Variants in APBA1 observed in about 807,000 individuals in gnomAD.
APBA1 encodes the protein amyloid-beta A4 precursor protein-binding family A member 1.
Under a neutral mutation model 86.6 loss-of-function variants are expected in APBA1, and 55 were observed. That is an observed-to-expected ratio of 0.64 (90% CI 0.51 to 0.80). The LOEUF (loss-of-function observed/expected upper bound fraction) is 0.80. Among genes scored for constraint, APBA1 ranks in the 30% least tolerant of loss-of-function variants. APBA1 has a pLI of 0.00. For synonymous variants in APBA1, 511 were observed against 493.9 expected (o/e 1.03, Z -0.46); for missense variants, 1,090 against 1,183.0 (o/e 0.92, Z 1.15).
At chr9:69,497,397 C>T (rs1022137831) in intron 2 of APBA1, among the ~76,000 whole-genome samples, 1 of 151,982 alleles carries the variant, frequency 6.6e-6, no homozygotes, top group Non-Finnish European at 1.5e-5. Flanking sequence ...ACATTTTGCA[C>T]CATGGCACAC....
chr9:69,437,298 A>G (rs1834745181), intron 11 of APBA1, among the ~76,000 whole-genome samples: 1 of 151,336 alleles, frequency 6.6e-6, no homozygotes, highest in African/African-American at 2.4e-5. Flanking sequence ...TCATAAAATG[A>G]GTTAGGGAGG....
intron 9 of APBA1, among the ~76,000 whole-genome samples, chr9:69,451,400 C>G (rs1038434394): frequency 6.6e-6 from 1 of 152,188 alleles, no homozygotes; most frequent in African/African-American, 2.4e-5. Context: ...ATTAAAAGTT[C>G]TTTTTACCTA....
chr9:69,598,766 T>C (rs1280394326), intron 1 of APBA1, among the ~76,000 whole-genome samples: 1 of 152,184 alleles, frequency 6.6e-6, no homozygotes, highest in Non-Finnish European at 1.5e-5. Context: ...AGACTAGCCT[T>C]GGGCCTGGAA....
At chr9:69,639,661 G>A (rs1330371435) in intron 1 of APBA1, among the ~76,000 whole-genome samples, 1 of 152,130 alleles carries the variant, frequency 6.6e-6, no homozygotes, top group Admixed American at 6.5e-5. Context: ...GTTACCCCCT[G>A]GAGGGTGTGA....
chr9:69,605,278 A>T (rs1432425239), intron 1 of APBA1, among the ~76,000 whole-genome samples: 1 of 152,148 alleles, frequency 6.6e-6, no homozygotes, highest in Non-Finnish European at 1.5e-5. Flanking sequence ...TAAAAAAAAA[A>T]ATTATCTCAG....
At chr9:69,460,957 C>T (rs1835181915) in intron 5 of APBA1, 1 of 152,244 alleles carries the variant, frequency 6.6e-6, no homozygotes, top group East Asian at 1.9e-4. Context: ...TTTCAAACTC[C>T]TGACCTCAGG....
intron 1 of APBA1, among the ~76,000 whole-genome samples, chr9:69,636,987 A>AAAGAAAGAAAGATAG (rs1564099121): frequency 2.3e-4 from 22 of 96,338 alleles, no homozygotes; most frequent in Non-Finnish European, 5.0e-4. Flanking sequence ...AAGAAAGAAA[A>AAAGAAAGAAAGATAG]ATGTGATACA....
At chr9:69,628,917 C>T (rs1822984390) in intron 1 of APBA1, among the ~76,000 whole-genome samples, 1 of 152,136 alleles carries the variant, frequency 6.6e-6, no homozygotes, top group Non-Finnish European at 1.5e-5. Context: ...ATATGACCTT[C>T]TTAAAGGCAT....
At chr9:69,630,279 C>T (rs141737365) in intron 1 of APBA1, among the ~76,000 whole-genome samples, 7 of 152,176 alleles carry the variant, frequency 4.6e-5, no homozygotes, top group African/African-American at 7.2e-5. Flanking sequence ...GATCAGGGGA[C>T]GGGGCCAGCA....
chr9:69,556,369 A>G (rs1836860002), intron 1 of APBA1, among the ~76,000 whole-genome samples: 1 of 152,098 alleles, frequency 6.6e-6, no homozygotes, highest in Non-Finnish European at 1.5e-5. Flanking sequence ...AAGTATAAGA[A>G]GGCAGAGAGA....
At position 69,456,443 on chromosome 9, in the gene APBA1, G is replaced by A. The variant is rs1347888908; in HGVS notation, c.1603-11C>T. On this transcript the variant is annotated splice_polypyrimidine_tract_variant and intron_variant, in intron 7 of 12. Coordinates refer to ENST00000265381, the MANE Select transcript of APBA1 (RefSeq NM_001163.4). ...GTCCATCATTGTCTCCTGGAGGCAG[G>A]AAGAGAGGGCGGGTAAGTCCAGCTC... is the stretch of plus-strand genomic sequence containing the variant. 1 of 1,575,582 alleles carries A rather than the reference G, an allele frequency of 6.3e-7. No individual in the cohort carries two copies.
intron 11 of APBA1, 75 bp downstream of exon 11, chr9:69,440,921 G>A: frequency 6.4e-7 from 1 of 1,556,770 alleles, no homozygotes; most frequent in South Asian, 1.2e-5. Context: ...AGCCATCTTG[G>A]CTCCACCCCC....
chr9:69,528,599 T>G (rs892587387), intron 1 of APBA1, among the ~76,000 whole-genome samples: 1 of 152,110 alleles, frequency 6.6e-6, no homozygotes, highest in African/African-American at 2.4e-5. Flanking sequence ...TTGAAGGTTA[T>G]ACAAACTTGG....
intron 1 of APBA1, among the ~76,000 whole-genome samples, chr9:69,637,129 C>T (rs1823195163): frequency 6.6e-6 from 1 of 152,144 alleles, no homozygotes; most frequent in Admixed American, 6.5e-5. Flanking sequence ...GAAAGATAAA[C>T]TTCACATGTT....
chr9:69,558,856 T>C (rs1836905763), intron 1 of APBA1, among the ~76,000 whole-genome samples: 1 of 152,128 alleles, frequency 6.6e-6, no homozygotes, highest in Non-Finnish European at 1.5e-5. Context: ...CTGCATTAGT[T>C]TGCAAGATTA....
At chr9:69,524,356 AAAG>A (rs924033131) in intron 1 of APBA1, among the ~76,000 whole-genome samples, 3 of 152,132 alleles carry the variant, frequency 2.0e-5, no homozygotes, top group African/African-American at 4.8e-5. Context: ...ACAAAGAAAA[AAAG>A]AAGATCCAAA....
chr9:69,545,228 C>T (rs1206959528), intron 1 of APBA1, among the ~76,000 whole-genome samples: 7 of 152,224 alleles, frequency 4.6e-5, no homozygotes, highest in African/African-American at 7.2e-5. Flanking sequence ...ATGTGCTAGC[C>T]GGCAAAGAAA....
intron 1 of APBA1, among the ~76,000 whole-genome samples, chr9:69,627,557 G>A (rs529816366): frequency 6.6e-6 from 1 of 152,230 alleles, no homozygotes; most frequent in African/African-American, 2.4e-5. Context: ...AATTTGTTGT[G>A]ATAACCTAAA....
intron 2 of APBA1, among the ~76,000 whole-genome samples, chr9:69,504,561 G>C (rs1344896902): frequency 5.3e-5 from 8 of 152,038 alleles, no homozygotes; most frequent in Non-Finnish European, 1.5e-5. Context: ...TGATCAGGTG[G>C]AAAGCCAGGT....
Sources: allele counts gnomAD v4.1 joint callset (sites outside exome capture counted in the v4.1 genomes callset), GRCh38; gene constraint gnomAD v4.1.1; transcripts MANE v1.5; gene names NCBI Gene and HGNC (gene_info 2026-07-23, HGNC 2026-07-21).